ZNF750: variants seen among roughly 807,000 people sequenced by gnomAD.
ZNF750 encodes the protein zinc finger protein 750.
Under a neutral mutation model 31.6 loss-of-function variants are expected in ZNF750, and 10 were observed. The observed-to-expected ratio is 0.32, with a 90% CI of 0.19 to 0.54. The LOEUF is 0.54. Among genes scored for constraint, ZNF750 ranks in the 20% least tolerant of loss-of-function variants. The probability of loss-of-function intolerance (pLI) is 0.95; values close to 1 mark genes in which losing one functional copy is unlikely to be tolerated. For missense variants in ZNF750, 914 were observed against 934.9 expected, an observed-to-expected ratio of 0.98 and a Z score of 0.29; for synonymous variants, 400 against 404.9, an observed-to-expected ratio of 0.99 and a Z score of 0.15.
At chr17:82,830,957 C>G (rs1337207718) in intron 2 of ZNF750, 62 bp downstream of exon 2, 5 of 1,613,288 alleles carry the variant, frequency 3.1e-6, no homozygotes, top group Admixed American at 1.7e-5. Context: ...AAGTATAAGC[C>G]TGGCTCATGG....
rs746575465 is a variant in ZNF750 at position 82,831,252 on chromosome 17, G to A, written c.1203C>T (p.Ser401=). 1 of 1,613,838 alleles carries A rather than the reference G, an allele frequency of 6.2e-7. No homozygotes were observed. The highest frequency in any genetic ancestry group is 2.2e-5 in the East Asian group (1 of 44,880). The change falls in exon 2 of 3, where the codon AGC becomes AGT. Residue 401 remains serine, a synonymous_variant. Coordinates refer to ENST00000269394, the MANE Select transcript of ZNF750 (RefSeq NM_024702.3). This position sits in a 1 kb window ranked among gnomAD's most constrained non-coding sequence, Gnocchi z 4.6. ...GQRDTEGSKM[S]PRAGSAATGS... ...CCGTGGCTGCACTCCCTGCGCGGGG[G>A]CTCATTTTGGACCCTTCCGTGTCTC...
In ZNF750 at chr17:82,831,142, G is replaced by A. The variant is rs1315571791; in HGVS notation, c.1313C>T (p.Ala438Val). 1 of 1,614,096 alleles carries A rather than the reference G, an allele frequency of 6.2e-7. No homozygotes were observed. The highest frequency in any genetic ancestry group is 8.5e-7 in the Non-Finnish European group (1 of 1,180,046). ...GTAGAGTCTTCCCAGTGCGCTGGAG[G>A]CTGCCTTGTTGGAGAGGTCGTACAG... Reference protein sequence around the residue: ...EGLYDLSNKAASSALGRLYPP... With the variant: ...EGLYDLSNKAVSSALGRLYPP... Residue 438 changes from alanine (A) to valine (V), a missense_variant, in exon 2 of 3, where the codon GCC becomes GTC. Ala to Val is a moderately conservative substitution (Grantham distance 64). Coordinates refer to ENST00000269394, the MANE Select transcript of ZNF750 (RefSeq NM_024702.3). The surrounding 1 kb of genome is among the most constrained non-coding windows in gnomAD (Gnocchi z 4.6).
chr17:82,832,808 T>G lies in ZNF750; in HGVS notation c.-182-172A>C, dbSNP rs995301380. On this transcript the variant is annotated intron_variant, in intron 1 of 2. Transcript: ENST00000269394. The surrounding 1 kb of genome is among the most constrained non-coding windows in gnomAD (Gnocchi z 4.9). ...TCACAGAAGCAGCCCTGCCCTACCC[T>G]TGGTAACCTGGCTGCTGACTCCCCA... Among the ~76,000 whole-genome samples the G allele has an allele frequency of 1.3e-5, 2 of 152,184 alleles. No individual in the cohort carries two copies. The highest frequency in any genetic ancestry group is 2.4e-5 in the African/African-American group (1 of 41,440).
rs2053614535 is a variant in ZNF750, at chr17:82,832,578, G to C, written c.-124C>G. 4 of 852,478 alleles carry C rather than the reference G, an allele frequency of 4.7e-6. No individual in the cohort carries two copies. The highest frequency in any genetic ancestry group is 3.0e-4 in the Middle Eastern group (1 of 3,324). 52.8% of individuals were successfully genotyped at this position (852,478 alleles called of 1,614,324 possible). A position where few individuals can be genotyped will look rare whatever the true frequency, so the allele number is the denominator to read the frequency against. On this transcript the variant is annotated 5_prime_UTR_variant, in exon 2 of 3. Transcript: ENST00000269394. The surrounding 1 kb of genome is among the most constrained non-coding windows in gnomAD (Gnocchi z 4.9). ...CTTTCTTTCCCGATCACTTCTATCAGAAGCCAGCTCTGCGTGCTGAGGGTC... is the reference window on the plus strand; with the variant it reads ...CTTTCTTTCCCGATCACTTCTATCACAAGCCAGCTCTGCGTGCTGAGGGTC...
intron 1 of ZNF750, among the ~76,000 whole-genome samples, chr17:82,837,847 T>C (rs182631360): frequency 6.6e-6 from 1 of 152,342 alleles, no homozygotes. Flanking sequence ...CACAAAGCCT[T>C]CTTTCTCCAA....
chr17:82,839,133 G>C (rs2054240917), intron 1 of ZNF750, among the ~76,000 whole-genome samples: 2 of 152,118 alleles, frequency 1.3e-5, no homozygotes, highest in African/African-American at 4.8e-5. Flanking sequence ...CTTCATGTAA[G>C]CTTATGTACT....
Position 82,831,871 on chromosome 17 carries a change from T to G in ZNF750, c.584A>C (p.His195Pro). Residue 195 changes from histidine (H) to proline (P), a missense_variant, in exon 2 of 3, where the codon CAC becomes CCC. Physicochemically the swap from His to Pro is moderately conservative, Grantham distance 77. This residue lies in a region of ZNF750 where 880 missense variants were observed against 868.9 expected (regional missense o/e 1.01). Transcript: ENST00000269394. This position sits in a 1 kb window ranked among gnomAD's most constrained non-coding sequence, Gnocchi z 4.6. ...HNPTAKAVSF[H>P]TKSAFHTPGY... ...AGGAGTGTGGAAGGCCGACTTGGTGTGGAAAGACACGGCCTTGGCAGTGGG... is the reference window on the plus strand; with the variant it reads ...AGGAGTGTGGAAGGCCGACTTGGTGGGGAAAGACACGGCCTTGGCAGTGGG... 1 of 1,614,010 alleles carries G rather than the reference T, an allele frequency of 6.2e-7. No individual in the cohort carries two copies. Among genetic ancestry groups the G allele is most frequent in the Non-Finnish European group, 8.5e-7 (1 of 1,179,986 alleles).
In ZNF750 at chr17:82,832,125, G is replaced by A. The variant is rs2053575852; in HGVS notation, c.330C>T (p.Asp110=). The A allele has an allele frequency of 2.5e-6, 4 of 1,614,214 alleles. No individual in the cohort carries two copies. In the East Asian group the frequency reaches 6.7e-5, roughly 27 times the overall value. ...CTTGCAGCTCCAGGTTTTCCTTGATGTCTTCCCTGGCAGAGCTGTGCTGAA... is the reference window on the plus strand; with the variant it reads ...CTTGCAGCTCCAGGTTTTCCTTGATATCTTCCCTGGCAGAGCTGTGCTGAA... ...SKLQHSSARE[D]IKENLELQAR... is the part of the protein sequence containing the mutation. Residue 110 remains aspartate, a synonymous_variant, in exon 2 of 3, where the codon GAC becomes GAT. Coordinates refer to ENST00000269394, the MANE Select transcript of ZNF750 (RefSeq NM_024702.3). This position sits in a 1 kb window ranked among gnomAD's most constrained non-coding sequence, Gnocchi z 4.9.
At chr17:82,834,734 G>C (rs1436231773) in intron 1 of ZNF750, among the ~76,000 whole-genome samples, 1 of 152,050 alleles carries the variant, frequency 6.6e-6, no homozygotes, top group Non-Finnish European at 1.5e-5. Flanking sequence ...GGGGTCGGGG[G>C]GAGGGAGAGC....
At chr17:82,838,287 G>A (rs2054154690) in intron 1 of ZNF750, among the ~76,000 whole-genome samples, 1 of 152,100 alleles carries the variant, frequency 6.6e-6, no homozygotes, top group Admixed American at 6.6e-5. Context: ...TGCTTAACAA[G>A]CTTCTAAGGA....
chr17:82,836,694 A>AC (rs1026839434), intron 1 of ZNF750, among the ~76,000 whole-genome samples: 1,561 of 151,410 alleles, frequency 0.01, 21 homozygotes, highest in African/African-American at 0.036. Context: ...AGGCAAAAAA[A>AC]AAAACAAAAC....
chr17:82,831,412 T>C lies in ZNF750; in HGVS notation c.1043A>G (p.His348Arg). The C allele has an allele frequency of 6.2e-7, 1 of 1,614,094 alleles. No individual in the cohort carries two copies. Among genetic ancestry groups the C allele is most frequent in the East Asian group, 2.2e-5 (1 of 44,872 alleles). The change falls in exon 2 of 3, where the codon CAC (histidine) becomes CGC (arginine). Residue 348 changes from histidine (H) to arginine (R), a missense_variant. Physicochemically the swap from His to Arg is conservative, Grantham distance 29 (BLOSUM62 0). Coordinates refer to ENST00000269394, the MANE Select transcript of ZNF750 (RefSeq NM_024702.3). The surrounding 1 kb of genome is among the most constrained non-coding windows in gnomAD (Gnocchi z 4.6). Reference protein sequence around the residue: ...VTGLTRDQSSHLLEEATLVYP... With the variant: ...VTGLTRDQSSRLLEEATLVYP... ...GACCAGGGTGGCTTCTTCAAGCAGGTGAGAGCTCTGATCTCGGGTGAGGCC... is the reference window on the plus strand; with the variant it reads ...GACCAGGGTGGCTTCTTCAAGCAGGCGAGAGCTCTGATCTCGGGTGAGGCC...
Position 82,835,297 on chromosome 17 carries a change from C to G in ZNF750, c.-182-2661G>C, listed in dbSNP as rs1004008122. Among the ~76,000 whole-genome samples, 49 of 152,210 alleles carry G rather than the reference C, an allele frequency of 3.2e-4. No homozygotes were observed. Among genetic ancestry groups the G allele is most frequent in the Non-Finnish European group, 4.4e-5 (3 of 68,042 alleles). On this transcript the variant is annotated intron_variant, in intron 1 of 2. Transcript: ENST00000269394. This position sits in a 1 kb window ranked among gnomAD's most constrained non-coding sequence, Gnocchi z 4.5. ...CACCCCTCCTCCCTGCACCCGTGTC[C>G]TTCCTCCCACACGCCAGGGGCCAGG...
chr17:82,831,930 G>A lies in ZNF750; in HGVS notation c.525C>T (p.Asn175=), dbSNP rs147504960. 6.1e-3 allele frequency: 9,874 copies of A among 1,614,188 alleles called. 879 individuals are homozygous for A. The Admixed American group carries it at 0.15, about 25-fold the overall frequency. The change falls in exon 2 of 3, where the codon AAC becomes AAT. Residue 175 remains asparagine, a synonymous_variant. Coordinates refer to ENST00000269394, the MANE Select transcript of ZNF750 (RefSeq NM_024702.3). The surrounding 1 kb of genome is among the most constrained non-coding windows in gnomAD (Gnocchi z 4.6). Reference sequence around the variant, plus strand: ...AAGCCAGTGTCTCGGGCGCCTCGGCGTTGTCTGGCCCCTTGAGTCTGTGCT... The same window carrying A: ...AAGCCAGTGTCTCGGGCGCCTCGGCATTGTCTGGCCCCTTGAGTCTGTGCT... ...VGEHRLKGPD[N]AEAPETLALH...
chr17:82,832,064 C>G lies in ZNF750; in HGVS notation c.391G>C (p.Ala131Pro). The G allele has an allele frequency of 6.2e-7, 1 of 1,613,990 alleles. No homozygotes were observed. Among genetic ancestry groups the G allele is most frequent in the Admixed American group, 1.7e-5 (1 of 60,020 alleles). ...GTHRCLGQKP[A>P]LHRASPCKSP... ...TTGCAGGGTGATGCCCTGTGGAGGG[C>G]TGGCTTCTGTCCCAGGCACCTGTGG... Residue 131 changes from alanine to proline, a missense_variant, in exon 2 of 3, where the codon GCC becomes CCC. Ala to Pro is a conservative substitution (Grantham distance 27). This residue lies in a region of ZNF750 where 880 missense variants were observed against 868.9 expected (regional missense o/e 1.01). Transcript: ENST00000269394. This position sits in a 1 kb window ranked among gnomAD's most constrained non-coding sequence, Gnocchi z 4.9.
chr17:82,831,865 T>A lies in ZNF750; in HGVS notation c.590A>T (p.Lys197Met). ...PTAKAVSFHT[K>M]SAFHTPGYPW... ...GTAGCCAGGAGTGTGGAAGGCCGAC[T>A]TGGTGTGGAAAGACACGGCCTTGGC... Residue 197 changes from lysine (K) to methionine (M), a missense_variant, in exon 2 of 3, where the codon AAG becomes ATG. Physicochemically the swap from Lys to Met is moderately conservative, Grantham distance 95 (BLOSUM62 -1). Around this residue, in one of 2 missense-constraint regions of ZNF750, gnomAD observed 880 missense variants for 868.9 expected, o/e 1.01. Coordinates refer to ENST00000269394, the MANE Select transcript of ZNF750 (RefSeq NM_024702.3). This position sits in a 1 kb window ranked among gnomAD's most constrained non-coding sequence, Gnocchi z 4.6. 1 of 1,614,162 alleles carries A rather than the reference T, an allele frequency of 6.2e-7. No individual in the cohort carries two copies. Among genetic ancestry groups the A allele is most frequent in the Non-Finnish European group, 8.5e-7 (1 of 1,180,010 alleles).
At position 82,832,896 on chromosome 17, in the gene ZNF750, T is replaced by C. The variant is rs12603419; in HGVS notation, c.-182-260A>G. 0.41 allele frequency among the ~76,000 whole-genome samples: 63,088 copies of C among 152,048 alleles called. 13,404 individuals carry two copies. Among genetic ancestry groups the C allele is most frequent in the East Asian group, 0.54 (2,785 of 5,148 alleles). ...CACCTCGGGGCCTAGAGGTGGAGTGTGGTGTGTGGTGCGTTGAGTGTCTGT... is the reference window on the plus strand; with the variant it reads ...CACCTCGGGGCCTAGAGGTGGAGTGCGGTGTGTGGTGCGTTGAGTGTCTGT... On this transcript the variant is annotated intron_variant, in intron 1 of 2. Transcript: ENST00000269394. This position sits in a 1 kb window ranked among gnomAD's most constrained non-coding sequence, Gnocchi z 4.9.
chr17:82,837,586 C>T (rs578055145), intron 1 of ZNF750, among the ~76,000 whole-genome samples: 20 of 152,182 alleles, frequency 1.3e-4, no homozygotes, highest in Admixed American at 2.6e-4. Flanking sequence ...TCATTATCTG[C>T]TTTCATTTGA....
In ZNF750 at chr17:82,831,642, G is replaced by T. The variant is rs2053522475; in HGVS notation, c.813C>A (p.Pro271=). 1 of 1,614,182 alleles carries T rather than the reference G, an allele frequency of 6.2e-7. No individual in the cohort carries two copies. Among genetic ancestry groups the T allele is most frequent in the African/African-American group, 1.3e-5 (1 of 75,042 alleles). ...CTTGGGTTCCGTAGACTGACAGCAGGGGTGCGTCACACTCAGGCGAGCTCC... is the reference window on the plus strand; with the variant it reads ...CTTGGGTTCCGTAGACTGACAGCAGTGGTGCGTCACACTCAGGCGAGCTCC... ...LAGSSPECDA[P]LLSVYGTQDP... is the part of the protein sequence containing the mutation. The change falls in exon 2 of 3, where the codon CCC becomes CCA. Residue 271 remains proline (P), a synonymous_variant. Coordinates refer to ENST00000269394, the MANE Select transcript of ZNF750 (RefSeq NM_024702.3). The surrounding 1 kb of genome is among the most constrained non-coding windows in gnomAD (Gnocchi z 4.6).
Sources: gnomAD v4.1 joint callset for allele counts (sites outside exome capture counted in the v4.1 genomes callset) on GRCh38, gnomAD v4.1.1 for gene constraint, gnomAD v4.1.1 regional missense constraint, Gnocchi (gnomAD v3.1) non-coding constraint, MANE v1.5 for transcripts, NCBI Gene and HGNC (gene_info 2026-07-23, HGNC 2026-07-21) for gene names.